NELL1: variants seen among roughly 807,000 people sequenced by gnomAD.
The protein encoded by NELL1 is protein kinase C-binding protein NELL1.
In NELL1, 76 loss-of-function variants were observed where a neutral mutation model predicts 107.4. The observed-to-expected ratio is 0.71, with a 90% CI of 0.59 to 0.86. The LOEUF is 0.86. NELL1 is among the 40% of genes least tolerant of loss of function. The pLI is 0.00. For synonymous variants in NELL1, 353 were observed against 341.2 expected, an observed-to-expected ratio of 1.03 and a Z score of -0.38; for missense variants, 1,024 against 1,005.5, an observed-to-expected ratio of 1.02 and a Z score of -0.25.
At chr11:21,404,005 A>AAC (rs1554905726) in intron 15 of NELL1, among the ~76,000 whole-genome samples, 545 of 50,962 alleles carry the variant, frequency 0.011, 10 homozygotes, top group Non-Finnish European at 0.012. Context: ...TCATTCCTGA[A>AAC]CCCCCCCCCC....
At chr11:20,978,015 A>G (rs1042581446) in intron 12 of NELL1, among the ~76,000 whole-genome samples, 1 of 152,210 alleles carries the variant, frequency 6.6e-6, no homozygotes, top group African/African-American at 2.4e-5. Context: ...CTGCAATGCT[A>G]TTTCTCATCT....
At chr11:20,878,354 G>A (rs375816894) in intron 4 of NELL1, among the ~76,000 whole-genome samples, 99 of 15,818 alleles carry the variant, frequency 6.3e-3, no homozygotes, top group African/African-American at 9.5e-3. Context: ...GAGAGACCCC[G>A]TCTCAAAAAA....
chr11:21,017,349 T>C (rs1256702321), intron 12 of NELL1, among the ~76,000 whole-genome samples: 1 of 152,112 alleles, frequency 6.6e-6, no homozygotes, highest in African/African-American at 2.4e-5. Flanking sequence ...TTAAAACTTT[T>C]AGAGGCTTGC....
chr11:21,115,709 CA>C (rs1855219793), intron 13 of NELL1, among the ~76,000 whole-genome samples: 1 of 151,876 alleles, frequency 6.6e-6, no homozygotes, highest in South Asian at 2.1e-4. Context: ...ACATGGTGGA[CA>C]ACAGAAAGGA....
intron 12 of NELL1, among the ~76,000 whole-genome samples, chr11:21,066,872 T>G (rs989961032): frequency 2.6e-5 from 4 of 151,994 alleles, no homozygotes; most frequent in African/African-American, 9.7e-5. Flanking sequence ...GAGGGTCGCT[T>G]GAACCCAGGA....
chr11:21,314,449 G>A (rs1195297709), intron 14 of NELL1, among the ~76,000 whole-genome samples: 1 of 152,122 alleles, frequency 6.6e-6, no homozygotes, highest in African/African-American at 2.4e-5. Context: ...TGTGGTGAGA[G>A]TATAATGAGA....
chr11:20,911,736 C>A (rs1850135671), intron 5 of NELL1, among the ~76,000 whole-genome samples: 2 of 152,158 alleles, frequency 1.3e-5, no homozygotes, highest in South Asian at 4.1e-4. Flanking sequence ...ATAGGAGTGG[C>A]CTCATGGAAT....
intron 2 of NELL1, among the ~76,000 whole-genome samples, chr11:20,683,029 T>C (rs1565305194): frequency 6.6e-6 from 1 of 152,098 alleles, no homozygotes; most frequent in Admixed American, 6.6e-5. Flanking sequence ...AATGTGATTA[T>C]TGACATGATT....
At chr11:21,208,549 A>G (rs1159440486) in intron 13 of NELL1, among the ~76,000 whole-genome samples, 1 of 151,900 alleles carries the variant, frequency 6.6e-6, no homozygotes, top group Non-Finnish European at 1.5e-5. Flanking sequence ...GGAGGAAGCT[A>G]TTTCCCCTCT....
chr11:21,018,976 A>G (rs1441556385), intron 12 of NELL1, among the ~76,000 whole-genome samples: 2 of 152,106 alleles, frequency 1.3e-5, no homozygotes, highest in Non-Finnish European at 2.9e-5. Flanking sequence ...ATCAGATTGC[A>G]GTTGGGAAGT....
chr11:21,269,372 T>TCACA (rs1394802694), intron 14 of NELL1, among the ~76,000 whole-genome samples: 1 of 151,410 alleles, frequency 6.6e-6, no homozygotes, highest in African/African-American at 2.4e-5. Flanking sequence ...TCTCTCTCTC[T>TCACA]CTCTCACACA....
At chr11:20,910,084 G>A (rs1448829409) in intron 5 of NELL1, among the ~76,000 whole-genome samples, 1 of 152,158 alleles carries the variant, frequency 6.6e-6, no homozygotes, top group Admixed American at 6.5e-5. Flanking sequence ...GGCTGGTGGA[G>A]TTGGCCAAAG....
chr11:21,560,483 T>A (rs950175408), intron 17 of NELL1, 101 bp downstream of exon 17: 2 of 1,061,156 alleles, frequency 1.9e-6, no homozygotes, highest in Admixed American at 5.9e-5. Flanking sequence ...TGACTGTAGT[T>A]CCTGAACAGG....
chr11:21,023,456 G>A (rs2134305618), intron 12 of NELL1, among the ~76,000 whole-genome samples: 1 of 152,052 alleles, frequency 6.6e-6, no homozygotes, highest in East Asian at 1.9e-4. Context: ...GTTATCACTG[G>A]GTAGCGGCAA....
At chr11:21,479,730 A>T (rs1399921094) in intron 15 of NELL1, among the ~76,000 whole-genome samples, 1 of 152,202 alleles carries the variant, frequency 6.6e-6, no homozygotes, top group Non-Finnish European at 1.5e-5. Flanking sequence ...GCTTGGGGTG[A>T]TGAATATCCC....
At chr11:20,865,161 A>G (rs1228617147) in intron 4 of NELL1, among the ~76,000 whole-genome samples, 1 of 152,174 alleles carries the variant, frequency 6.6e-6, no homozygotes, top group Non-Finnish European at 1.5e-5. Context: ...CACTTGTAGG[A>G]GCTCTGAAAT....
At chr11:20,685,110 TC>T (rs1337261851) in intron 2 of NELL1, among the ~76,000 whole-genome samples, 1 of 151,970 alleles carries the variant, frequency 6.6e-6, no homozygotes, top group Non-Finnish European at 1.5e-5. Flanking sequence ...TCCCCAGACT[TC>T]AGCTTTCTCT....
chr11:21,045,030 G>A (rs900803860), intron 12 of NELL1, among the ~76,000 whole-genome samples: 7 of 152,146 alleles, frequency 4.6e-5, no homozygotes, highest in Non-Finnish European at 8.8e-5. Flanking sequence ...CAAGTACATC[G>A]GAAAACAGAT....
intron 17 of NELL1, among the ~76,000 whole-genome samples, chr11:21,568,220 G>T (rs186670454): frequency 2.2e-3 from 339 of 151,916 alleles, no homozygotes; most frequent in Non-Finnish European, 3.4e-3. Context: ...TAACACAGTG[G>T]TGAGTATTTG....
Sources: gnomAD v4.1 joint callset for allele counts (sites outside exome capture counted in the v4.1 genomes callset) on GRCh38, gnomAD v4.1.1 for gene constraint, MANE v1.5 for transcripts, NCBI Gene and HGNC (gene_info 2026-07-23, HGNC 2026-07-21) for gene names.